The following MTOR variants were observed in gnomAD, a reference collection of about 807,000 sequenced individuals.
The protein encoded by MTOR is serine/threonine-protein kinase mTOR.
MTOR carries 70 observed loss-of-function variants against 319.8 expected under a neutral mutation model. The ratio of observed to expected loss-of-function variants is 0.22; its 90% CI spans 0.18 to 0.27. MTOR has a LOEUF of 0.27. Ranked by LOEUF, MTOR falls within the 10% of genes least tolerant of loss-of-function variation. The pLI, the probability that MTOR is intolerant of heterozygous loss-of-function variation, is 1.00. For synonymous variants in MTOR, 1,183 were observed against 1,211.4 expected (o/e 0.98, Z 0.49); for missense variants, 1,890 against 3,274.4 (o/e 0.58, Z 10.32).
At chr1:11,161,618 C>T (rs189389802) in intron 29 of MTOR, among the ~76,000 whole-genome samples, 298 of 152,294 alleles carry the variant, frequency 2.0e-3, no homozygotes, top group Non-Finnish European at 3.4e-3. Context: ...GCAACATTGG[C>T]TGCTCTGCAA....
intron 1 of MTOR, among the ~76,000 whole-genome samples, chr1:11,259,662 T>C (rs1054181628): frequency 6.6e-6 from 1 of 152,158 alleles, no homozygotes; most frequent in Admixed American, 6.5e-5. Context: ...CCTAGCCTAC[T>C]TGGGTTTGAA....
intron 28 of MTOR, among the ~76,000 whole-genome samples, chr1:11,191,720 T>C (rs753300242): frequency 3.5e-4 from 54 of 152,210 alleles, no homozygotes; most frequent in Admixed American, 3.9e-4. Context: ...TCTGAGTGTT[T>C]TGAGGTGCTA....
At position 11,238,047 on chromosome 1, in the gene MTOR, G is replaced by A. The variant is rs377357096; in HGVS notation, c.2004C>T (p.Asp668=). The A allele has an allele frequency of 1.1e-5, 18 of 1,614,002 alleles. No homozygotes were observed. The highest frequency in any genetic ancestry group is 1.6e-4 in the Middle Eastern group (1 of 6,084). ...CCAAGACACAGTAGCGAATGTCAGG[G>A]TCTGCAAGAGCAATGGAGCCTTTGA... ...KLLVVGITDP[D]PDIRYCVLAS... The change falls in exon 13 of 58, where the codon GAC becomes GAT. Residue 668 remains aspartate, a splice_region_variant and synonymous_variant. Coordinates refer to ENST00000361445, the MANE Select transcript of MTOR (RefSeq NM_004958.4).
chr1:11,225,173 C>G lies in MTOR; in HGVS notation c.3030+3495G>C, dbSNP rs376199162. Among the ~76,000 whole-genome samples, 169 of 152,052 alleles carry G rather than the reference C, an allele frequency of 1.1e-3. 1 individual carries two copies. The highest frequency in any genetic ancestry group is 8.7e-3 in the South Asian group (42 of 4,810). On this transcript the variant is annotated intron_variant, in intron 19 of 57. Transcript: ENST00000361445. ...ATATATTAAAAATCAATGAATTTTACGGTATGTAAATTTTATCTGACTTGT... is the reference window on the plus strand; with the variant it reads ...ATATATTAAAAATCAATGAATTTTAGGGTATGTAAATTTTATCTGACTTGT...
intron 1 of MTOR, among the ~76,000 whole-genome samples, chr1:11,259,644 G>A (rs1557501784): frequency 6.6e-6 from 1 of 152,150 alleles, no homozygotes; most frequent in Admixed American, 6.5e-5. Flanking sequence ...TAAATTGTGG[G>A]CTATCGGCCT....
Position 11,145,054 on chromosome 1 carries a change from G to A in MTOR, c.4687-9C>T, listed in dbSNP as rs1557771404. ...CTGGCCTTGTCAATGCACTAGAAGA[G>A]AAACAACCCTTGGGACTGAGCTCTG... On this transcript the variant is annotated splice_polypyrimidine_tract_variant and intron_variant, in intron 32 of 57. Transcript: ENST00000361445. 1.2e-6 allele frequency: 2 copies of A among 1,613,856 alleles called. No homozygotes were observed. The highest frequency in any genetic ancestry group is 1.7e-6 in the Non-Finnish European group (2 of 1,179,808).
At chr1:11,231,887 G>C (rs1226873268) in intron 16 of MTOR, among the ~76,000 whole-genome samples, 1 of 152,008 alleles carries the variant, frequency 6.6e-6, no homozygotes, top group Non-Finnish European at 1.5e-5. Flanking sequence ...ACCATGCCCA[G>C]CTATTTTTTT....
chr1:11,145,126 A>G, intron 32 of MTOR, 81 bp from the exon 33 acceptor site: 2 of 1,168,486 alleles, frequency 1.7e-6, no homozygotes, highest in African/African-American at 1.5e-5. Flanking sequence ...CTAGCTACAG[A>G]AGTTATCTGT....
At chr1:11,132,887 C>T in intron 38 of MTOR, 193 bp downstream of exon 38, 1 of 583,300 alleles carries the variant, frequency 1.7e-6, no homozygotes, top group African/African-American at 1.9e-5. Flanking sequence ...CTCCAATAAT[C>T]TTTCTGTATT....
intron 28 of MTOR, chr1:11,193,872 A>T (rs936402618): frequency 8.3e-7 from 1 of 1,202,132 alleles, no homozygotes; most frequent in Non-Finnish European, 1.2e-6. Context: ...TTCAAGACAA[A>T]TCTGTATATT....
chr1:11,107,775 T>C (rs1641649475), intron 57 of MTOR, among the ~76,000 whole-genome samples: 2 of 152,210 alleles, frequency 1.3e-5, no homozygotes, highest in Admixed American at 6.5e-5. Flanking sequence ...AGAGTGGCCC[T>C]TGAGGTTAGA....
intron 28 of MTOR, among the ~76,000 whole-genome samples, chr1:11,169,859 T>C (rs961401254): frequency 7.2e-5 from 11 of 152,344 alleles, no homozygotes; most frequent in South Asian, 4.1e-4. Context: ...CCTTCACCTG[T>C]GTTTGTCCAA....
chr1:11,252,326 G>A (rs565373840), intron 6 of MTOR, among the ~76,000 whole-genome samples: 5 of 150,192 alleles, frequency 3.3e-5, no homozygotes, highest in African/African-American at 4.9e-5. Context: ...GTAGAGACAC[G>A]GTCTCACCGT....
chr1:11,111,376 G>A (rs1641861176), intron 54 of MTOR: 3 of 265,626 alleles, frequency 1.1e-5, no homozygotes, highest in Admixed American at 5.5e-5. Context: ...AGCTACTTGG[G>A]AGACTGAGGC....
At chr1:11,167,699 G>T (rs974478555) in intron 28 of MTOR, among the ~76,000 whole-genome samples, 182 bp from the exon 29 acceptor site, 1 of 152,156 alleles carries the variant, frequency 6.6e-6, no homozygotes, top group Non-Finnish European at 1.5e-5. Flanking sequence ...TCTGAAAGAG[G>T]TTTGTGCTCT....
rs1249249421 is a variant in MTOR, at chr1:11,106,916, T to C, written c.*569A>G. On this transcript the variant is annotated 3_prime_UTR_variant, in exon 58 of 58. Transcript: ENST00000361445. ...GTGTGAGTCGCAGCATCACTGGGTC[T>C]GATGGAAGACAGACCTTTTGTACTC... 3.7e-6 allele frequency: 5 copies of C among 1,368,534 alleles called. No individual in the cohort carries two copies. Among genetic ancestry groups the C allele is most frequent in the Non-Finnish European group, 4.8e-6 (5 of 1,037,998 alleles). 84.8% of individuals were successfully genotyped at this position (1,368,534 alleles called of 1,614,324 possible).
rs879426734 is a variant in MTOR, at chr1:11,168,069, C to CA, written c.4254-553dup. Among the ~76,000 whole-genome samples the CA allele has an allele frequency of 8.3e-3, 914 of 109,934 alleles. 3 individuals are homozygous for CA. Among genetic ancestry groups the CA allele is most frequent in the East Asian group, 0.018 (69 of 3,814 alleles). 72.1% of individuals were successfully genotyped at this position (109,934 alleles called of 152,430 possible). On this transcript the variant is annotated intron_variant, in intron 28 of 57. Transcript: ENST00000361445. Reference sequence around the variant, plus strand: ...TGGGGGACAGAGTGAGACACTGTCTCAAAAAAAAAAAAAAAGAGCATAGAC... The same window carrying CA: ...TGGGGGACAGAGTGAGACACTGTCTCAAAAAAAAAAAAAAAAGAGCATAGAC...
At position 11,228,775 on chromosome 1, in the gene MTOR, T is replaced by C; in HGVS notation, c.2923A>G (p.Ile975Val). 1.2e-6 allele frequency: 2 copies of C among 1,614,132 alleles called. No individual in the cohort carries two copies. The highest frequency in any genetic ancestry group is 1.7e-6 in the Non-Finnish European group (2 of 1,180,026). Residue 975 changes from isoleucine (I) to valine (V), a missense_variant, in exon 19 of 58, where the codon ATC becomes GTC. Ile to Val is a conservative substitution (Grantham distance 29, BLOSUM62 3). This residue lies in a region of MTOR where 377 missense variants were observed against 653.9 expected (regional missense o/e 0.58). Transcript: ENST00000361445. ...CCCAGGGACTTGAAGATGAAGGTGA[T>C]GGCCTGGACAACCATGGTGTGATGA... ...SHHHTMVVQA[I>V]TFIFKSLGLK...
At position 11,133,590 on chromosome 1, in the gene MTOR, CA is replaced by C. The variant is rs1643265667; in HGVS notation, c.5247-394del. Among the ~76,000 whole-genome samples, 1 of 152,202 alleles carries C rather than the reference CA, an allele frequency of 6.6e-6. No homozygotes were observed. The highest frequency in any genetic ancestry group is 2.4e-5 in the African/African-American group (1 of 41,448). Reference sequence around the variant, plus strand: ...CATTCTTTGTAATGAGATTAGCCCACATTTACTGACTGCTACTGTATTCCAA... The same window carrying C: ...CATTCTTTGTAATGAGATTAGCCCACTTTACTGACTGCTACTGTATTCCAA... On this transcript the variant is annotated intron_variant, in intron 37 of 57. Coordinates refer to ENST00000361445, the MANE Select transcript of MTOR (RefSeq NM_004958.4). This position sits in a 1 kb window ranked among gnomAD's most constrained non-coding sequence, Gnocchi z 4.0.
Sources: allele counts gnomAD v4.1 joint callset (sites outside exome capture counted in the v4.1 genomes callset), GRCh38; gene constraint gnomAD v4.1.1; regional missense constraint gnomAD v4.1.1; non-coding constraint Gnocchi (gnomAD v3.1); transcripts MANE v1.5; gene names NCBI Gene and HGNC (gene_info 2026-07-23, HGNC 2026-07-21).